The following CC2D2A variants were observed in gnomAD, a reference collection of about 807,000 sequenced individuals.
The protein encoded by CC2D2A is coiled-coil and C2 domain containing 2A.
CC2D2A carries 155 observed loss-of-function variants against 212.9 expected under a neutral mutation model. That is an observed-to-expected ratio of 0.73 (90% CI 0.64 to 0.83). The LOEUF (loss-of-function observed/expected upper bound fraction) is 0.83. Among genes scored for constraint, CC2D2A ranks in the 40% least tolerant of loss-of-function variants. The pLI, the probability that CC2D2A is intolerant of heterozygous loss-of-function variation, is 0.00. For missense variants in CC2D2A, 1,856 were observed against 1,956.2 expected (o/e 0.95, Z 0.97); for synonymous variants, 667 against 686.5 (o/e 0.97, Z 0.44).
rs1398517354 is a variant in CC2D2A at position 15,589,556 on chromosome 4, C to T, written c.4191C>T (p.Ala1397=). 6.2e-7 allele frequency: 1 copy of T among 1,611,988 alleles called. No individual in the cohort carries two copies. Among genetic ancestry groups the T allele is most frequent in the Admixed American group, 1.7e-5 (1 of 59,838 alleles). ...CCATCTTCTTTCAGGGTCCAACTGCCTATGTGCTAACTTGGGAGCAAGGTC... is the reference window on the plus strand; with the variant it reads ...CCATCTTCTTTCAGGGTCCAACTGCTTATGTGCTAACTTGGGAGCAAGGTC... The part of the protein sequence containing the change: ...MGNAIPEGPT[A]YVLTWEQGRY... The change falls in exon 33 of 37, where the codon GCC becomes GCT. Residue 1397 remains alanine, a synonymous_variant. Transcript: ENST00000424120.
At chr4:15,506,403 A>G (rs1716257926) in intron 6 of CC2D2A, among the ~76,000 whole-genome samples, 1 of 152,244 alleles carries the variant, frequency 6.6e-6, no homozygotes. Flanking sequence ...CAATGGAAAG[A>G]AACAAAAATA....
At chr4:15,471,358 A>G (rs558612091) in intron 1 of CC2D2A, among the ~76,000 whole-genome samples, 21 of 151,024 alleles carry the variant, frequency 1.4e-4, no homozygotes, top group African/African-American at 3.9e-4. Flanking sequence ...GAGTTATGGT[A>G]GCTGGGGGTT....
rs953011440 is a variant in CC2D2A at position 15,527,570 on chromosome 4, C to T, written c.1273C>T (p.His425Tyr). The T allele has an allele frequency of 1.9e-6, 3 of 1,613,296 alleles. No individual in the cohort carries two copies. Among genetic ancestry groups the T allele is most frequent in the East Asian group, 4.5e-5 (2 of 44,898 alleles). Reference protein sequence around the residue: ...FTHHPCFSREHVLAAKLAQLY... With the variant: ...FTHHPCFSREYVLAAKLAQLY... ...TCATCATCCCTGTTTTAGCCGAGAG[C>T]ATGTTTTGGCAGCCAAGCTGGCCCA... Residue 425 changes from histidine to tyrosine, a missense_variant, in exon 12 of 37, where the codon CAT becomes TAT. Coordinates refer to ENST00000424120, the MANE Select transcript of CC2D2A (RefSeq NM_001378615.1).
At chr4:15,493,932 C>G (rs2108989469) in intron 4 of CC2D2A, among the ~76,000 whole-genome samples, 1 of 152,326 alleles carries the variant, frequency 6.6e-6, no homozygotes, top group African/African-American at 2.4e-5. Flanking sequence ...AGTTGAGAAA[C>G]TTTTCATATC....
intron 11 of CC2D2A, among the ~76,000 whole-genome samples, chr4:15,522,578 G>T (rs777570961): frequency 6.6e-6 from 1 of 151,192 alleles, no homozygotes; most frequent in South Asian, 2.1e-4. Context: ...TCCTAATATT[G>T]TCTCAATATT....
intron 6 of CC2D2A, 131 bp from the exon 7 acceptor site, chr4:15,510,008 C>T (rs1716474805): frequency 2.9e-6 from 2 of 700,602 alleles, no homozygotes. Context: ...GCATTCCATG[C>T]CTTAGGAATG....
At chr4:15,476,130 A>G (rs1011505565) in intron 2 of CC2D2A, among the ~76,000 whole-genome samples, 159 bp downstream of exon 2, 5 of 152,244 alleles carry the variant, frequency 3.3e-5, no homozygotes, top group Non-Finnish European at 7.3e-5. Flanking sequence ...AATTGTACAA[A>G]GAACGATTTG....
chr4:15,499,171 T>C (rs1036561048), intron 4 of CC2D2A, among the ~76,000 whole-genome samples: 3 of 152,330 alleles, frequency 2.0e-5, no homozygotes, highest in Admixed American at 2.0e-4. Context: ...CTCTGTATCA[T>C]TGGATCATGC....
intron 4 of CC2D2A, among the ~76,000 whole-genome samples, chr4:15,494,343 T>G (rs111276025): frequency 1.3e-5 from 2 of 152,292 alleles, no homozygotes; most frequent in African/African-American, 4.8e-5. Flanking sequence ...TTCCTGAGTT[T>G]TCAGCTAACA....
rs372292129 is a variant in CC2D2A, at chr4:15,580,042, A to T, written c.3846A>T (p.Pro1282=). 4.3e-5 allele frequency: 69 copies of T among 1,613,878 alleles called. No individual in the cohort carries two copies. Among genetic ancestry groups the T allele is most frequent in the East Asian group, 3.3e-4 (15 of 44,878 alleles). The stretch of plus-strand genomic sequence containing the variant: ...AAGCTGAATGTGCCTTAAAGTTTCC[A>T]AATCGTCAGTGCCTTACAACAGTAA... ...KFQAECALKF[P]NRQCLTTVID... Residue 1282 remains proline, a synonymous_variant, in exon 30 of 37, where the codon CCA becomes CCT. Transcript: ENST00000424120.
At chr4:15,585,440 T>C (rs895909280) in intron 30 of CC2D2A, among the ~76,000 whole-genome samples, 1 of 152,124 alleles carries the variant, frequency 6.6e-6, no homozygotes, top group African/African-American at 2.4e-5. Flanking sequence ...ACTAAAAGTT[T>C]ATCTCAAAGT....
intron 19 of CC2D2A, among the ~76,000 whole-genome samples, chr4:15,554,394 T>C (rs1719169474): frequency 6.6e-6 from 1 of 152,192 alleles, no homozygotes; most frequent in South Asian, 2.1e-4. Context: ...GGTTTTAGGC[T>C]GGGCACGGTG....
rs1560166488 is a variant in CC2D2A, at chr4:15,527,591, GC to G, written c.1297del (p.Gln433SerfsTer25). 3 of 1,612,998 alleles carry G rather than the reference GC, an allele frequency of 1.9e-6. No homozygotes were observed. The highest frequency in any genetic ancestry group is 2.7e-5 in the African/African-American group (2 of 74,874). On this transcript the variant is annotated frameshift_variant, in exon 12 of 37. Coordinates refer to ENST00000424120, the MANE Select transcript of CC2D2A (RefSeq NM_001378615.1). LOFTEE classifies it high-confidence loss of function. ...AGAGCATGTTTTGGCAGCCAAGCTG[GC>G]CCAGTTATATGACCAGTACCTTGCA... Reference protein sequence around the residue: ...SREHVLAAKLAQLYDQYLARH... With the variant: ...SREHVLAAKLXQLYDQYLARH...
Position 15,515,799 on chromosome 4 carries a change from C to G in CC2D2A, c.881-69C>G, listed in dbSNP as rs1036636367. 2.8e-5 allele frequency: 39 copies of G among 1,375,190 alleles called. No individual in the cohort carries two copies. In the African/African-American group the frequency reaches 5.1e-4, roughly 18 times the overall value. 85.2% of individuals were successfully genotyped at this position (1,375,190 alleles called of 1,614,324 possible). ...TAAATGAAATCTCTGGTGATTAATTCACCAAACTGCAGTTTGAGATATTTA... is the reference window on the plus strand; with the variant it reads ...TAAATGAAATCTCTGGTGATTAATTGACCAAACTGCAGTTTGAGATATTTA... On this transcript the variant is annotated intron_variant, in intron 9 of 36. Coordinates refer to ENST00000424120, the MANE Select transcript of CC2D2A (RefSeq NM_001378615.1).
intron 11 of CC2D2A, among the ~76,000 whole-genome samples, chr4:15,525,291 A>T (rs1717446964): frequency 6.6e-6 from 1 of 152,200 alleles, no homozygotes. Context: ...TAACTCTGGA[A>T]CCCCATAGGT....
In CC2D2A at chr4:15,580,047, G is replaced by A. The variant is rs754586025; in HGVS notation, c.3851G>A (p.Arg1284His). ...GAATGTGCCTTAAAGTTTCCAAATC[G>A]TCAGTGCCTTACAACAGTAATTGAT... is the stretch of plus-strand genomic sequence containing the variant. The part of the protein sequence containing the change: ...QAECALKFPN[R>H]QCLTTVIDIS... The change falls in exon 30 of 37, where the codon CGT (arginine) becomes CAT (histidine). Residue 1284 changes from arginine (R) to histidine (H), a missense_variant. Around this residue, in one of 5 missense-constraint regions of CC2D2A, gnomAD observed 1,512 missense variants for 1,579.3 expected, o/e 0.96. Coordinates refer to ENST00000424120, the MANE Select transcript of CC2D2A (RefSeq NM_001378615.1). 9.3e-6 allele frequency: 15 copies of A among 1,613,758 alleles called. No individual in the cohort carries two copies. The highest frequency in any genetic ancestry group is 2.2e-5 in the East Asian group (1 of 44,866).
intron 17 of CC2D2A, among the ~76,000 whole-genome samples, chr4:15,542,899 T>A (rs560695501): frequency 6.6e-6 from 1 of 152,318 alleles, no homozygotes. Flanking sequence ...TTAAAAACCT[T>A]CTACAACCTG....
intron 15 of CC2D2A, among the ~76,000 whole-genome samples, chr4:15,537,411 T>C (rs566021326): frequency 1.3e-5 from 2 of 152,302 alleles, no homozygotes; most frequent in South Asian, 4.1e-4. Flanking sequence ...ATTATTCCAT[T>C]AAATGTAGGG....
intron 3 of CC2D2A, chr4:15,479,310 C>T: frequency 6.5e-7 from 1 of 1,536,926 alleles, no homozygotes; most frequent in South Asian, 1.2e-5. Flanking sequence ...GCATCCCGTG[C>T]AGGGTAAATC....
Sources: allele counts gnomAD v4.1 joint callset (sites outside exome capture counted in the v4.1 genomes callset), GRCh38; gene constraint gnomAD v4.1.1; regional missense constraint gnomAD v4.1.1; transcripts MANE v1.5; gene names NCBI Gene and HGNC (gene_info 2026-07-23, HGNC 2026-07-21).